Variants in ARHGAP15 observed in about 807,000 individuals in gnomAD.
ARHGAP15 encodes the protein rho GTPase-activating protein 15.
A neutral mutation model predicts 63.7 loss-of-function variants in ARHGAP15; 51 were observed. The ratio of observed to expected loss-of-function variants is 0.80; its 90% CI spans 0.64 to 1.01. The LOEUF (loss-of-function observed/expected upper bound fraction) is 1.01, where lower values mean the gene tolerates loss of function less well. Among genes scored for constraint, ARHGAP15 ranks in the 50% least tolerant of loss-of-function variants. The pLI is 0.00. For synonymous variants in ARHGAP15, 191 were observed against 193.8 expected, an observed-to-expected ratio of 0.99 and a Z score of 0.12; for missense variants, 560 against 564.6, an observed-to-expected ratio of 0.99 and a Z score of 0.08.
chr2:143,664,291 A>T lies in ARHGAP15; in HGVS notation c.1139-39128A>T, dbSNP rs533407412. ...CTCAAAACCGCTCAACTACATGGAA[A>T]CTGAACAACCTGCTCCTGAATGACT... On this transcript the variant is annotated intron_variant, in intron 12 of 13. Coordinates refer to ENST00000295095, the MANE Select transcript of ARHGAP15 (RefSeq NM_018460.4). Among the ~76,000 whole-genome samples, 87 of 151,872 alleles carry T rather than the reference A, an allele frequency of 5.7e-4. 1 individual carries two copies. The East Asian group carries it at 0.016, about 28-fold the overall frequency.
At chr2:143,610,949 G>C (rs539615441) in intron 11 of ARHGAP15, among the ~76,000 whole-genome samples, 1 of 152,062 alleles carries the variant, frequency 6.6e-6, no homozygotes, top group Non-Finnish European at 1.5e-5. Flanking sequence ...GGCTGGTCTC[G>C]AACTCCTCAC....
intron 6 of ARHGAP15, among the ~76,000 whole-genome samples, chr2:143,371,499 C>T (rs1016872646): frequency 1.3e-5 from 2 of 152,146 alleles, no homozygotes; most frequent in African/African-American, 4.8e-5. Flanking sequence ...TATCCGTCTT[C>T]GTCTCCTCTC....
At position 143,361,683 on chromosome 2, in the gene ARHGAP15, TA is replaced by T. The variant is rs560359513; in HGVS notation, c.475-73907del. ...TATGAGACACATGGACTTTGGGATTTAAAAAAAAAAATTCTGCTTCCTCTTC... is the reference window on the plus strand; with the variant it reads ...TATGAGACACATGGACTTTGGGATTTAAAAAAAAAATTCTGCTTCCTCTTC... On this transcript the variant is annotated intron_variant, in intron 6 of 13. Coordinates refer to ENST00000295095, the MANE Select transcript of ARHGAP15 (RefSeq NM_018460.4). Among the ~76,000 whole-genome samples the T allele has an allele frequency of 6.6e-4, 98 of 148,962 alleles. 1 individual carries two copies. Among genetic ancestry groups the T allele is most frequent in the South Asian group, 1.5e-3 (7 of 4,720 alleles).
intron 5 of ARHGAP15, among the ~76,000 whole-genome samples, chr2:143,233,536 T>C (rs2104924622): frequency 6.6e-6 from 1 of 152,224 alleles, no homozygotes; most frequent in Non-Finnish European, 1.5e-5. Flanking sequence ...AGTTTCATCA[T>C]GATGCATACA....
chr2:143,263,898 A>G (rs1344744830), intron 6 of ARHGAP15, among the ~76,000 whole-genome samples: 3 of 128,366 alleles, frequency 2.3e-5, no homozygotes, highest in Admixed American at 8.3e-5. Flanking sequence ...TCTACGGTGA[A>G]GCTGCAGTCT....
At chr2:143,314,379 T>C (rs1225379479) in intron 6 of ARHGAP15, 1 of 152,220 alleles carries the variant, frequency 6.6e-6, no homozygotes, top group African/African-American at 2.4e-5. Context: ...AGATAGTTAT[T>C]TCACTGTACC....
chr2:143,625,998 C>T (rs1242741831), intron 12 of ARHGAP15, among the ~76,000 whole-genome samples: 4 of 152,072 alleles, frequency 2.6e-5, no homozygotes, highest in African/African-American at 9.7e-5. Context: ...GCAGGCCCTC[C>T]GAATCCACAT....
intron 8 of ARHGAP15, among the ~76,000 whole-genome samples, chr2:143,460,380 T>C (rs1262216875): frequency 6.6e-6 from 1 of 152,184 alleles, no homozygotes; most frequent in East Asian, 1.9e-4. Context: ...TTTTTGCTAC[T>C]AGTTTTATTC....
chr2:143,632,389 G>A (rs1280241183), intron 12 of ARHGAP15, among the ~76,000 whole-genome samples: 4 of 152,020 alleles, frequency 2.6e-5, no homozygotes, highest in African/African-American at 9.7e-5. Context: ...AGGACACAGA[G>A]ATTAGGCAAG....
intron 6 of ARHGAP15, among the ~76,000 whole-genome samples, chr2:143,316,422 C>G (rs1451777603): frequency 6.6e-6 from 1 of 151,584 alleles, no homozygotes; most frequent in African/African-American, 2.4e-5. Context: ...TGTGTGCCCA[C>G]ATCCAAGCTA....
At chr2:143,543,656 T>A (rs1163935117) in intron 10 of ARHGAP15, among the ~76,000 whole-genome samples, 2 of 151,830 alleles carry the variant, frequency 1.3e-5, no homozygotes, top group Admixed American at 1.3e-4. Context: ...AATATATATA[T>A]ATAAATATGT....
At chr2:143,348,583 A>T (rs1041221605) in intron 6 of ARHGAP15, among the ~76,000 whole-genome samples, 1 of 152,108 alleles carries the variant, frequency 6.6e-6, no homozygotes, top group Non-Finnish European at 1.5e-5. Context: ...GCTTCATCTC[A>T]ATTAATGCTT....
At chr2:143,484,595 C>T (rs1445236634) in intron 8 of ARHGAP15, among the ~76,000 whole-genome samples, 1 of 151,702 alleles carries the variant, frequency 6.6e-6, no homozygotes, top group Non-Finnish European at 1.5e-5. Flanking sequence ...ACATGTTATC[C>T]ACAACAATTA....
chr2:143,130,040 C>T (rs1231761810), intron 1 of ARHGAP15, among the ~76,000 whole-genome samples: 5 of 151,946 alleles, frequency 3.3e-5, no homozygotes, highest in African/African-American at 9.7e-5. Flanking sequence ...TTCTAAATTT[C>T]ATTTAAGATA....
chr2:143,287,532 G>A (rs992485957), intron 6 of ARHGAP15, among the ~76,000 whole-genome samples: 1 of 152,108 alleles, frequency 6.6e-6, no homozygotes, highest in Admixed American at 6.6e-5. Context: ...GAGTCCCAGC[G>A]CGGTACCTCA....
chr2:143,535,059 G>A (rs1210408454), intron 10 of ARHGAP15, among the ~76,000 whole-genome samples: 4 of 151,962 alleles, frequency 2.6e-5, no homozygotes, highest in African/African-American at 9.7e-5. Context: ...AATAAATTAT[G>A]TTAAAATAAA....
In ARHGAP15 at chr2:143,236,140, T is replaced by C. The variant is rs139520133; in HGVS notation, c.384+7472T>C. The C allele has an allele frequency of 4.7e-5, 37 of 783,704 alleles. No homozygotes were observed. In the African/African-American group the frequency reaches 5.6e-4, roughly 12 times the overall value. 48.5% of individuals were successfully genotyped at this position (783,704 alleles called of 1,614,324 possible). A position where few individuals can be genotyped will look rare whatever the true frequency, so the allele number is the denominator to read the frequency against. On this transcript the variant is annotated intron_variant, in intron 5 of 13. Transcript: ENST00000295095. ...GTGTCATATAATTTTTTTCTTTTTG[T>C]TTTGTTTTGTTTTTACATTAGGGGC...
At chr2:143,182,045 G>A (rs1353856480) in intron 2 of ARHGAP15, among the ~76,000 whole-genome samples, 1 of 151,112 alleles carries the variant, frequency 6.6e-6, no homozygotes, top group Non-Finnish European at 1.5e-5. Context: ...GGGTTCAAGT[G>A]ATTCTCCAGC....
Position 143,445,153 on chromosome 2 carries a change from A to ACTTTTTTTTTTTTTTT in ARHGAP15, c.703+8111_703+8112insCTTTTTTTTTTTTTTT, listed in dbSNP as rs765945989. ...TTGAAGTCAAAGATTAAGAACAATT[A>ACTTTTTTTTTTTTTTT]TTTTTTTTTTTTTTTTTTTTTTTTT... On this transcript the variant is annotated intron_variant, in intron 8 of 13. Coordinates refer to ENST00000295095, the MANE Select transcript of ARHGAP15 (RefSeq NM_018460.4). Among the ~76,000 whole-genome samples, 23 of 74,446 alleles carry ACTTTTTTTTTTTTTTT rather than the reference A, an allele frequency of 3.1e-4. 5 individuals carry two copies. The highest frequency in any genetic ancestry group is 1.1e-3 in the African/African-American group (20 of 18,492). The allele number at this position is 74,446 out of a possible 152,430, so 48.8% of individuals were successfully genotyped here. A position where few individuals can be genotyped will look rare whatever the true frequency, so the allele number is the denominator to read the frequency against.
Sources: gnomAD v4.1 joint callset for allele counts (sites outside exome capture counted in the v4.1 genomes callset) on GRCh38, gnomAD v4.1.1 for gene constraint, MANE v1.5 for transcripts, NCBI Gene and HGNC (gene_info 2026-07-23, HGNC 2026-07-21) for gene names.